DIPK1A: variants seen among roughly 807,000 people sequenced by gnomAD.
The protein encoded by DIPK1A is family with sequence similarity 69 member A.
In DIPK1A, 27 loss-of-function variants were observed where a neutral mutation model predicts 40.8. The observed-to-expected ratio is 0.66, with a 90% CI of 0.49 to 0.91. The LOEUF (loss-of-function observed/expected upper bound fraction) is 0.91. Ranked by LOEUF, DIPK1A falls within the 40% of genes least tolerant of loss-of-function variation. DIPK1A has a pLI of 0.00. For synonymous variants in DIPK1A, 166 were observed against 171.3 expected, an observed-to-expected ratio of 0.97 and a Z score of 0.24; for missense variants, 412 against 505.7, an observed-to-expected ratio of 0.81 and a Z score of 1.78.
chr1:92,915,083 CAAAAA>C (rs10583235), intron 1 of DIPK1A, among the ~76,000 whole-genome samples: 1 of 80,080 alleles, frequency 1.2e-5, no homozygotes. Context: ...GCAAGACTGT[CAAAAA>C]AAAAAAAAAA....
intron 1 of DIPK1A, among the ~76,000 whole-genome samples, chr1:92,936,655 GAAGA>G (rs889519149): frequency 6.6e-6 from 1 of 150,968 alleles, no homozygotes; most frequent in African/African-American, 2.4e-5. Flanking sequence ...AAAAGAAAAA[GAAGA>G]AAGAAAGAAG....
chr1:92,884,626 T>C (rs1443656626), intron 1 of DIPK1A, among the ~76,000 whole-genome samples: 1 of 152,192 alleles, frequency 6.6e-6, no homozygotes, highest in Non-Finnish European at 1.5e-5. Flanking sequence ...ACATGCCACA[T>C]TGGATCTAGT....
intron 1 of DIPK1A, among the ~76,000 whole-genome samples, chr1:92,921,500 G>A (rs940810891): frequency 6.6e-6 from 1 of 152,098 alleles, no homozygotes; most frequent in Non-Finnish European, 1.5e-5. Context: ...TTTGCTAGTC[G>A]GGAGTAAAAC....
chr1:92,842,957 T>G lies in DIPK1A; in HGVS notation c.*426A>C, dbSNP rs750704049. 3 of 990,288 alleles carry G rather than the reference T, an allele frequency of 3.0e-6. No homozygotes were observed. The highest frequency in any genetic ancestry group is 3.6e-6 in the Non-Finnish European group (3 of 833,156). The allele number at this position is 990,288 out of a possible 1,614,324, so 61.3% of individuals were successfully genotyped here. On this transcript the variant is annotated 3_prime_UTR_variant, in exon 5 of 5. Coordinates refer to ENST00000370310, the MANE Select transcript of DIPK1A (RefSeq NM_001006605.5). ...TTTGCAGTCTTAATTTCTGTTAATG[T>G]GCAAACTTTACCATGCTAAGACATT...
chr1:92,877,050 G>A (rs1648164721), intron 1 of DIPK1A: 1 of 985,032 alleles, frequency 1.0e-6, no homozygotes, highest in Admixed American at 6.2e-5. Context: ...ATTGTTAAAG[G>A]AGAAATGACT....
chr1:92,876,298 T>C lies in DIPK1A; in HGVS notation c.187A>G (p.Ile63Val), dbSNP rs1648122000. 2 of 1,519,280 alleles carry C rather than the reference T, an allele frequency of 1.3e-6. No homozygotes were observed. The highest frequency in any genetic ancestry group is 1.8e-6 in the Non-Finnish European group (2 of 1,125,136). The allele number at this position is 1,519,280 out of a possible 1,614,324, so 94.1% of individuals were successfully genotyped here. A position where few individuals can be genotyped will look rare whatever the true frequency, so the allele number is the denominator to read the frequency against. ...AACAGGAAATTTAAAATACTTACTA[T>C]TATTTTCTTACAGTCCTTTCCTCTG... ...LCRGKDCKKIICDKYKTGVID... is the reference protein window; with the variant it reads ...LCRGKDCKKIVCDKYKTGVID... Residue 63 changes from isoleucine (I) to valine (V), a missense_variant and splice_region_variant, in exon 2 of 5, where the codon ATA becomes GTA. Physicochemically the swap from Ile to Val is conservative, Grantham distance 29. Coordinates refer to ENST00000370310, the MANE Select transcript of DIPK1A (RefSeq NM_001006605.5).
chr1:92,839,486 A>G (rs1007655418), downstream of DIPK1A, among the ~76,000 whole-genome samples: 4 of 152,168 alleles, frequency 2.6e-5, no homozygotes, highest in African/African-American at 9.7e-5. Context: ...GTAGTGAAAG[A>G]CAGAAGAGAG....
rs113648920 is a variant in DIPK1A at position 92,867,873 on chromosome 1, G to A, written c.189+8423C>T. 4.5e-3 allele frequency among the ~76,000 whole-genome samples: 678 copies of A among 152,238 alleles called. 5 individuals are homozygous for A. Among genetic ancestry groups the A allele is most frequent in the African/African-American group, 0.016 (647 of 41,540 alleles). ...ACTCCTAAGCAATGATTTCAGCTTG[G>A]AGGCAATGCTCTCAATGGAACAGCT... On this transcript the variant is annotated intron_variant, in intron 2 of 4. Transcript: ENST00000370310.
intron 1 of DIPK1A, among the ~76,000 whole-genome samples, chr1:92,915,609 T>C (rs968231144): frequency 6.6e-6 from 1 of 152,168 alleles, no homozygotes; most frequent in Admixed American, 6.5e-5. Context: ...TAACAAGCAC[T>C]GTGTTAAGAA....
At chr1:92,890,327 C>T (rs1405175684) in intron 1 of DIPK1A, among the ~76,000 whole-genome samples, 2 of 152,096 alleles carry the variant, frequency 1.3e-5, no homozygotes, top group African/African-American at 4.8e-5. Context: ...TGCTTAATTG[C>T]TCTAGCTAGG....
In DIPK1A at chr1:92,845,471, C is replaced by T. The variant is rs1301373636; in HGVS notation, c.475-1276G>A. ...ATAGCTTGAGCTCAGGAGTTCTAGA[C>T]CCGCCTGGGCAACATGGTGAAACCG... On this transcript the variant is annotated intron_variant, in intron 4 of 4. Coordinates refer to ENST00000370310, the MANE Select transcript of DIPK1A (RefSeq NM_001006605.5). 3 of 357,526 alleles carry T rather than the reference C, an allele frequency of 8.4e-6. No homozygotes were observed. The Admixed American group carries it at 1.3e-4, about 15-fold the overall frequency. The allele number at this position is 357,526 out of a possible 1,614,324, so 22.1% of individuals were successfully genotyped here.
intron 1 of DIPK1A, among the ~76,000 whole-genome samples, chr1:92,928,691 G>A (rs569125830): frequency 1.2e-4 from 18 of 152,336 alleles, no homozygotes; most frequent in Middle Eastern, 6.8e-3. Flanking sequence ...GCTGGGTATG[G>A]TGGCACATGC....
At chr1:92,833,074 C>T in intron 4 of DIPK1A, 2 of 718,820 alleles carry the variant, frequency 2.8e-6, no homozygotes, top group Non-Finnish European at 5.1e-6. Flanking sequence ...CGTTTAAAAC[C>T]TTTTGAAAGC....
At chr1:92,861,789 C>T (rs1372546358) in intron 2 of DIPK1A, among the ~76,000 whole-genome samples, 1 of 150,832 alleles carries the variant, frequency 6.6e-6, no homozygotes, top group African/African-American at 2.4e-5. Flanking sequence ...CAACTCTTTT[C>T]AATCTTTTTT....
intron 1 of DIPK1A, among the ~76,000 whole-genome samples, chr1:92,957,881 T>C (rs1651914045): frequency 1.3e-5 from 2 of 152,204 alleles, no homozygotes; most frequent in Non-Finnish European, 1.5e-5. Flanking sequence ...TATCCATCAG[T>C]AGTTACTCCC....
intron 2 of DIPK1A, among the ~76,000 whole-genome samples, chr1:92,853,540 GC>G (rs1254950705): frequency 6.6e-6 from 1 of 152,152 alleles, no homozygotes; most frequent in Non-Finnish European, 1.5e-5. Flanking sequence ...AGTGAGACTC[GC>G]CTGTGTCCTA....
intron 1 of DIPK1A, among the ~76,000 whole-genome samples, chr1:92,921,532 C>T (rs1255788482): frequency 6.6e-6 from 1 of 152,156 alleles, no homozygotes; most frequent in Non-Finnish European, 1.5e-5. Context: ...TTGCTACATC[C>T]TAAGTGCTTT....
chr1:92,908,563 T>G (rs1344805490), intron 1 of DIPK1A, among the ~76,000 whole-genome samples: 1 of 151,862 alleles, frequency 6.6e-6, no homozygotes, highest in Non-Finnish European at 1.5e-5. Context: ...CAGACTGGAG[T>G]AGGCTGAAGA....
At chr1:92,927,095 A>G (rs1004013288) in intron 1 of DIPK1A, among the ~76,000 whole-genome samples, 2 of 152,126 alleles carry the variant, frequency 1.3e-5, no homozygotes, top group African/African-American at 4.8e-5. Context: ...AAAATTTAGT[A>G]TTCTTATTGT....
Sources: gnomAD v4.1 joint callset for allele counts (sites outside exome capture counted in the v4.1 genomes callset) on GRCh38, gnomAD v4.1.1 for gene constraint, MANE v1.5 for transcripts, NCBI Gene and HGNC (gene_info 2026-07-23, HGNC 2026-07-21) for gene names.